The following PKIB variants were observed in gnomAD, a reference collection of about 807,000 sequenced individuals.
PKIB encodes cAMP-dependent protein kinase inhibitor beta, also known as PKI-beta.
A neutral mutation model predicts 4.5 loss-of-function variants in PKIB; 2 were observed. The observed-to-expected ratio is 0.44, with a 90% confidence interval of 0.18 to 1.39. The LOEUF (loss-of-function observed/expected upper bound fraction) is 1.39, where lower values mean the gene tolerates loss of function less well. Ranked by LOEUF, PKIB falls within the 40% of genes most tolerant of loss-of-function variation. PKIB has a pLI of 0.27. For missense variants in PKIB, 94 were observed against 92.6 expected (o/e 1.02, Z -0.06); for synonymous variants, 38 against 36.0 (o/e 1.06, Z -0.20).
chr6:122,704,371 A>T (rs952587535), intron 3 of PKIB, among the ~76,000 whole-genome samples: 1 of 152,290 alleles, frequency 6.6e-6, no homozygotes, highest in African/African-American at 2.4e-5. Context: ...TCAAGTTGGC[A>T]TATAAAATTA....
At chr6:122,688,497 G>T (rs1044033714) in intron 3 of PKIB, among the ~76,000 whole-genome samples, 2 of 151,522 alleles carry the variant, frequency 1.3e-5, no homozygotes, top group Non-Finnish European at 1.5e-5. Flanking sequence ...CTTTTCTTCT[G>T]TTTTTTTTGG....
At chr6:122,589,725 C>T (rs947281078) in intron 3 of PKIB, among the ~76,000 whole-genome samples, 12 of 151,858 alleles carry the variant, frequency 7.9e-5, no homozygotes, top group African/African-American at 1.7e-4. Context: ...TTTCACAAAG[C>T]AGATAACATA....
At chr6:122,524,321 TTCC>T (rs1272514409) in intron 2 of PKIB, among the ~76,000 whole-genome samples, 10 of 148,178 alleles carry the variant, frequency 6.7e-5, no homozygotes, top group Admixed American at 4.1e-4. Context: ...TCTTTTCCTC[TTCC>T]TCCTCCTCCT....
upstream of PKIB, chr6:122,610,296 G>C (rs1774693684): frequency 6.6e-6 from 1 of 152,260 alleles, no homozygotes; most frequent in South Asian, 2.1e-4. Flanking sequence ...ACGGAGAGCG[G>C]GACACCGCCT....
chr6:122,499,739 G>A (rs925622343), intron 2 of PKIB, among the ~76,000 whole-genome samples: 3 of 152,076 alleles, frequency 2.0e-5, no homozygotes, highest in African/African-American at 4.8e-5. Context: ...GAAATAAAAC[G>A]CATCCAAATA....
chr6:122,678,107 C>T (rs1000450754), intron 3 of PKIB, among the ~76,000 whole-genome samples: 1 of 152,060 alleles, frequency 6.6e-6, no homozygotes, highest in Non-Finnish European at 1.5e-5. Context: ...ACCGTGTTAG[C>T]CAGGGTGGTC....
At chr6:122,519,331 A>C (rs1283171549) in intron 2 of PKIB, among the ~76,000 whole-genome samples, 1 of 152,172 alleles carries the variant, frequency 6.6e-6, no homozygotes, top group Non-Finnish European at 1.5e-5. Flanking sequence ...CAGGGCTCCC[A>C]CTGATCCTAT....
At chr6:122,504,768 C>A (rs1409999438) in intron 2 of PKIB, among the ~76,000 whole-genome samples, 1 of 152,150 alleles carries the variant, frequency 6.6e-6, no homozygotes, top group East Asian at 1.9e-4. Context: ...AATCATTTTG[C>A]ATAACTGTAG....
At chr6:122,511,109 C>A (rs2114580670) in intron 2 of PKIB, among the ~76,000 whole-genome samples, 1 of 152,262 alleles carries the variant, frequency 6.6e-6, no homozygotes. Context: ...TGTGACTCAA[C>A]CTCATCATTT....
chr6:122,565,867 A>C (rs1773174945), intron 2 of PKIB, among the ~76,000 whole-genome samples: 1 of 152,240 alleles, frequency 6.6e-6, no homozygotes, highest in South Asian at 2.1e-4. Flanking sequence ...AGGCATGGCC[A>C]GATCTGAATT....
At chr6:122,711,616 C>T (rs1779275494) in intron 3 of PKIB, among the ~76,000 whole-genome samples, 1 of 152,082 alleles carries the variant, frequency 6.6e-6, no homozygotes, top group African/African-American at 2.4e-5. Flanking sequence ...ATCTGACTCC[C>T]CCAAACACAG....
At chr6:122,568,067 A>G (rs1773247630) in intron 2 of PKIB, among the ~76,000 whole-genome samples, 1 of 152,176 alleles carries the variant, frequency 6.6e-6, no homozygotes, top group Non-Finnish European at 1.5e-5. Flanking sequence ...ATACGTCAAA[A>G]AACGAATGAC....
intron 3 of PKIB, among the ~76,000 whole-genome samples, chr6:122,716,793 G>T (rs1386099671): frequency 3.3e-5 from 5 of 152,106 alleles, no homozygotes; most frequent in African/African-American, 7.2e-5. Context: ...TATCACAAAT[G>T]AGCATCTCCA....
At chr6:122,696,996 A>G (rs9388118) in intron 3 of PKIB, among the ~76,000 whole-genome samples, 150,549 of 152,278 alleles carry the variant, frequency 0.99, 74,440 homozygotes, top group Middle Eastern at 1. Context: ...ACCAACAGCA[A>G]GTTATTAGTC....
chr6:122,530,659 C>T (rs1417939366), intron 2 of PKIB, among the ~76,000 whole-genome samples: 4 of 152,136 alleles, frequency 2.6e-5, no homozygotes, highest in Non-Finnish European at 5.9e-5. Context: ...TGGTGTTTTT[C>T]TGAGGAACTG....
intron 3 of PKIB, among the ~76,000 whole-genome samples, chr6:122,695,596 T>C (rs1256484357): frequency 6.6e-6 from 1 of 152,148 alleles, no homozygotes; most frequent in East Asian, 1.9e-4. Flanking sequence ...GTTGAAATGA[T>C]TCAGGCATAT....
At chr6:122,607,321 A>T (rs1774574989), upstream of PKIB, among the ~76,000 whole-genome samples, 1 of 151,534 alleles carries the variant, frequency 6.6e-6, no homozygotes, top group African/African-American at 2.4e-5. Context: ...AAAAAAACAA[A>T]ACAAAACAAA....
intron 3 of PKIB, among the ~76,000 whole-genome samples, chr6:122,704,519 GT>G (rs1287800559): frequency 6.6e-6 from 1 of 152,064 alleles, no homozygotes; most frequent in East Asian, 1.9e-4. Flanking sequence ...AAAAACTATA[GT>G]TCCCAAAAGA....
chr6:122,661,986 A>G (rs1777008547), intron 2 of PKIB, among the ~76,000 whole-genome samples: 1 of 152,214 alleles, frequency 6.6e-6, no homozygotes, highest in African/African-American at 2.4e-5. Flanking sequence ...TTGGCCATTT[A>G]CATACCTTCT....
Sources: allele counts gnomAD v4.1 joint callset (sites outside exome capture counted in the v4.1 genomes callset), GRCh38; gene constraint gnomAD v4.1.1; transcripts MANE v1.5; gene names NCBI Gene and HGNC (gene_info 2026-07-23, HGNC 2026-07-21).